The following ITSN2 variants were observed in gnomAD, a reference collection of about 807,000 sequenced individuals.
ITSN2 encodes intersectin-2.
Under a neutral mutation model 243.7 loss-of-function variants are expected in ITSN2, and 156 were observed. The observed-to-expected ratio is 0.64, with a 90% confidence interval of 0.56 to 0.73. The LOEUF is 0.73. Ranked by LOEUF, ITSN2 falls within the 30% of genes least tolerant of loss-of-function variation. The pLI is 0.00. For synonymous variants in ITSN2, 703 were observed against 699.9 expected (o/e 1.00, Z -0.07); for missense variants, 1,801 against 1,996.1 (o/e 0.90, Z 1.86).
chr2:24,263,879 C>T (rs1485271116), intron 20 of ITSN2, among the ~76,000 whole-genome samples: 1 of 152,090 alleles, frequency 6.6e-6, no homozygotes, highest in Admixed American at 6.6e-5. Flanking sequence ...TGTCTTCATA[C>T]GGACATATGT....
rs1000496533 is a variant in ITSN2 at position 24,246,197 on chromosome 2, T to A, written c.3509A>T (p.Asn1170Ile). ...DDPDWWQGEI[N>I]GVTGLFPSNY... is the part of the protein sequence containing the mutation. ...TGAAGGAAAGAGACCAGTCACCCCG[T>A]TGATCTCTCCTTGCCACCAATCAGG... is the stretch of plus-strand genomic sequence containing the variant. Residue 1170 changes from asparagine to isoleucine, a missense_variant, in exon 29 of 40, where the codon AAC (asparagine) becomes ATC (isoleucine). Physicochemically the swap from Asn to Ile is moderately radical, Grantham distance 149 (BLOSUM62 -3). Transcript: ENST00000355123. The A allele has an allele frequency of 4.3e-6, 7 of 1,613,544 alleles. No homozygotes were observed. The highest frequency in any genetic ancestry group is 5.9e-6 in the Non-Finnish European group (7 of 1,179,600).
At chr2:24,243,516 G>A (rs906063832) in intron 29 of ITSN2, among the ~76,000 whole-genome samples, 1 of 152,068 alleles carries the variant, frequency 6.6e-6, no homozygotes, top group African/African-American at 2.4e-5. Context: ...TTTTGAGACA[G>A]GGTCTCACTC....
At chr2:24,330,518 C>A in intron 1 of ITSN2, 1 of 720,576 alleles carries the variant, frequency 1.4e-6, no homozygotes. Context: ...CGCCAGAGCC[C>A]AAGCCTGAAA....
At chr2:24,331,336 G>A (rs1476603215) in intron 1 of ITSN2, among the ~76,000 whole-genome samples, 2 of 151,288 alleles carry the variant, frequency 1.3e-5, no homozygotes, top group African/African-American at 4.9e-5. Flanking sequence ...GCCTCCCAAA[G>A]TGCTGGGATT....
chr2:24,206,639 G>A (rs139929095), intron 37 of ITSN2, among the ~76,000 whole-genome samples: 62 of 152,284 alleles, frequency 4.1e-4, no homozygotes, highest in Non-Finnish European at 8.1e-4. Context: ...TCTGTGCCAT[G>A]AACACAGAGG....
intron 1 of ITSN2, among the ~76,000 whole-genome samples, chr2:24,340,523 A>G (rs1347627677): frequency 6.6e-6 from 1 of 152,030 alleles, no homozygotes; most frequent in Non-Finnish European, 1.5e-5. Context: ...CCCAGCATCA[A>G]GATGAAGAAA....
chr2:24,213,548 C>A (rs1164248195), intron 32 of ITSN2, among the ~76,000 whole-genome samples: 2 of 152,188 alleles, frequency 1.3e-5, no homozygotes, highest in Admixed American at 6.5e-5. Flanking sequence ...CTTCGTGCTT[C>A]TTATTTCCAT....
chr2:24,309,993 C>T (rs984155478), intron 7 of ITSN2, among the ~76,000 whole-genome samples: 7 of 151,938 alleles, frequency 4.6e-5, no homozygotes, highest in African/African-American at 1.7e-4. Flanking sequence ...GAAATATACA[C>T]ATTTTTTAAA....
rs746840141 is a variant in ITSN2, at chr2:24,203,721, G to A, written c.4999C>T (p.Pro1667Ser). ...KIRTEQESKGPMTRRLLLHEV... is the reference protein window; with the variant it reads ...KIRTEQESKGSMTRRLLLHEV... ...TGCAGCAGCAGTCGGCGGGTCATAG[G>A]GCCTTTGCTTTCCTGTTCTGTTCGA... Residue 1667 changes from proline (P) to serine (S), a missense_variant, in exon 40 of 40, where the codon CCT becomes TCT. By Grantham distance (74) the Pro-to-Ser change is moderately conservative (BLOSUM62 -1). This residue lies in a region of ITSN2 where 928 missense variants were observed against 1,065.4 expected (regional missense o/e 0.87). Coordinates refer to ENST00000355123, the MANE Select transcript of ITSN2 (RefSeq NM_006277.3). 6.2e-7 allele frequency: 1 copy of A among 1,614,156 alleles called. No individual in the cohort carries two copies. Among genetic ancestry groups the A allele is most frequent in the South Asian group, 1.1e-5 (1 of 91,070 alleles).
Position 24,203,519 on chromosome 2 carries a change from T to G in ITSN2, c.*107A>C. The G allele has an allele frequency of 2.6e-6, 3 of 1,140,226 alleles. No homozygotes were observed. Among genetic ancestry groups the G allele is most frequent in the Non-Finnish European group, 3.7e-6 (3 of 817,634 alleles). The allele number at this position is 1,140,226 out of a possible 1,614,324, so 70.6% of individuals were successfully genotyped here. A position where few individuals can be genotyped will look rare whatever the true frequency, so the allele number is the denominator to read the frequency against. On this transcript the variant is annotated 3_prime_UTR_variant, in exon 40 of 40. Transcript: ENST00000355123. ...AGAGCCCCCAGCGTGCATGGCTTTG[T>G]GAGGGGTGAAGCTGCATGGTGCTCC...
At chr2:24,323,445 A>G (rs1323146882) in intron 2 of ITSN2, among the ~76,000 whole-genome samples, 2 of 152,354 alleles carry the variant, frequency 1.3e-5, no homozygotes, top group South Asian at 4.1e-4. Flanking sequence ...AATCACAAAG[A>G]TATTTTGCTA....
Position 24,310,570 on chromosome 2 carries a change from C to A in ITSN2, c.475G>T (p.Val159Leu). Residue 159 changes from valine to leucine, a missense_variant, in exon 6 of 40, where the codon GTG (valine) becomes TTG (leucine). By Grantham distance (32) the Val-to-Leu change is conservative (BLOSUM62 1). Coordinates refer to ENST00000355123, the MANE Select transcript of ITSN2 (RefSeq NM_006277.3). ...LPPLMMPTPL[V>L]PSVSTSSLPN... Reference sequence around the variant, plus strand: ...AATGATGATGTGCTAACAGAAGGCACTAGGGGAGTGGGCATCATTAAGGGA... The same window carrying A: ...AATGATGATGTGCTAACAGAAGGCAATAGGGGAGTGGGCATCATTAAGGGA... The A allele has an allele frequency of 6.2e-7, 1 of 1,613,942 alleles. No homozygotes were observed. Among genetic ancestry groups the A allele is most frequent in the South Asian group, 1.1e-5 (1 of 91,074 alleles).
chr2:24,295,846 A>C, intron 13 of ITSN2, 42 bp from the exon 14 acceptor site: 1 of 1,345,856 alleles, frequency 7.4e-7, no homozygotes, highest in Non-Finnish European at 1.0e-6. Context: ...ATAAAATGCT[A>C]ATAGAAAATG....
intron 29 of ITSN2, among the ~76,000 whole-genome samples, chr2:24,227,961 A>G (rs942524978): frequency 4.6e-5 from 7 of 152,186 alleles, no homozygotes; most frequent in Non-Finnish European, 1.0e-4. Flanking sequence ...AAGGCCCAAC[A>G]TACATCTGAC....
At chr2:24,323,034 T>C (rs1205753463) in intron 2 of ITSN2, among the ~76,000 whole-genome samples, 1 of 151,560 alleles carries the variant, frequency 6.6e-6, no homozygotes, top group East Asian at 1.9e-4. Flanking sequence ...TCTATTAGCA[T>C]GTCTGAAAAT....
chr2:24,331,687 C>G (rs1461195904), intron 1 of ITSN2, among the ~76,000 whole-genome samples: 3 of 152,082 alleles, frequency 2.0e-5, no homozygotes, highest in African/African-American at 7.3e-5. Context: ...TGAGACCTGA[C>G]CCCCCAATCA....
chr2:24,247,090 T>TA (rs1428489855), intron 27 of ITSN2, among the ~76,000 whole-genome samples, 197 bp from the exon 28 acceptor site: 2 of 152,234 alleles, frequency 1.3e-5, no homozygotes, highest in Non-Finnish European at 2.9e-5. Flanking sequence ...CAGAGTGTCT[T>TA]AGTTTACCTG....
chr2:24,333,899 T>C (rs1289356672), intron 1 of ITSN2, among the ~76,000 whole-genome samples: 2 of 152,102 alleles, frequency 1.3e-5, no homozygotes, highest in East Asian at 3.9e-4. Context: ...TTTTTTTGTT[T>C]TGTTTTTTGA....
At chr2:24,330,232 A>C (rs1685621064) in intron 1 of ITSN2, among the ~76,000 whole-genome samples, 1 of 152,224 alleles carries the variant, frequency 6.6e-6, no homozygotes, top group Admixed American at 6.5e-5. Flanking sequence ...CTTACAAATC[A>C]TCTGTCTAGA....
Sources: allele counts gnomAD v4.1 joint callset (sites outside exome capture counted in the v4.1 genomes callset), GRCh38; gene constraint gnomAD v4.1.1; regional missense constraint gnomAD v4.1.1; transcripts MANE v1.5; gene names NCBI Gene and HGNC (gene_info 2026-07-23, HGNC 2026-07-21).